Variants in PTK2 observed in about 807,000 individuals in gnomAD.
PTK2 encodes the protein protein tyrosine kinase 2.
PTK2 carries 45 observed loss-of-function variants against 150.1 expected under a neutral mutation model. The observed-to-expected ratio is 0.30, with a 90% CI of 0.24 to 0.38. PTK2 has a LOEUF of 0.38. PTK2 is among the 10% of genes least tolerant of loss of function. PTK2 has a pLI of 1.00. For synonymous variants in PTK2, 432 were observed against 449.2 expected, an observed-to-expected ratio of 0.96 and a Z score of 0.48; for missense variants, 919 against 1,307.3, an observed-to-expected ratio of 0.70 and a Z score of 4.58.
chr8:140,658,395 CAAG>C (rs1415110395), exon 32 of PTK2: 2 of 181,306 alleles, frequency 1.1e-5, no homozygotes, highest in East Asian at 1.8e-4. Flanking sequence ...GATATTACAA[CAAG>C]AACTTTACTG....
chr8:140,943,381 G>A (rs1378028811), intron 1 of PTK2, among the ~76,000 whole-genome samples: 1 of 152,198 alleles, frequency 6.6e-6, no homozygotes, highest in South Asian at 2.1e-4. Context: ...CTGCTTTGAA[G>A]ATCTGCCCAT....
chr8:140,964,555 T>A (rs1282526805), intron 1 of PTK2, among the ~76,000 whole-genome samples: 1 of 139,990 alleles, frequency 7.1e-6, no homozygotes, highest in East Asian at 2.0e-4. Context: ...TAATTTTTTT[T>A]TTTTTTTTTT....
exon 32 of PTK2, chr8:140,659,221 A>T: frequency 1.9e-6 from 1 of 520,262 alleles, no homozygotes; most frequent in South Asian, 2.6e-5. Context: ...ATTCTTAGAA[A>T]AACGCCACAT....
intron 17 of PTK2, among the ~76,000 whole-genome samples, chr8:140,749,322 TGTAA>T (rs1488695978): frequency 1.2e-4 from 18 of 152,268 alleles, no homozygotes; most frequent in African/African-American, 4.3e-4. Context: ...TTCAATTTAC[TGTAA>T]GTAACTATTT....
chr8:140,891,468 AG>A lies in PTK2; in HGVS notation c.-32-700del, dbSNP rs375068897. 4.5e-3 allele frequency among the ~76,000 whole-genome samples: 686 copies of A among 152,352 alleles called. 4 individuals carry two copies. Among genetic ancestry groups the A allele is most frequent in the African/African-American group, 0.016 (649 of 41,580 alleles). On this transcript the variant is annotated intron_variant, in intron 2 of 31. Coordinates refer to ENST00000522684, the Ensembl canonical transcript of PTK2. ...AACTCAAACAATGTTTGAAGGGCTC[AG>A]AGACAAAGATATTCTGAGGCAACCA... is the stretch of plus-strand genomic sequence containing the variant.
chr8:140,705,942 T>G (rs955386943), intron 24 of PTK2, among the ~76,000 whole-genome samples, 177 bp downstream of exon 27: 1 of 152,208 alleles, frequency 6.6e-6, no homozygotes, highest in Admixed American at 6.5e-5. Context: ...ACAAACGCCT[T>G]CTGCGTGGGG....
intron 2 of PTK2, among the ~76,000 whole-genome samples, chr8:140,910,140 G>C (rs552654844): frequency 6.6e-6 from 1 of 152,108 alleles, no homozygotes. Flanking sequence ...TTACAAAACA[G>C]TAAGATTTTC....
chr8:140,729,451 G>A (rs1176015609), intron 22 of PTK2, among the ~76,000 whole-genome samples: 2 of 152,086 alleles, frequency 1.3e-5, no homozygotes, highest in Non-Finnish European at 2.9e-5. Context: ...TTCCACAGAA[G>A]CAAAATACAA....
intron 2 of PTK2, among the ~76,000 whole-genome samples, chr8:140,898,575 A>G (rs1440715238): frequency 6.6e-6 from 1 of 152,244 alleles, no homozygotes; most frequent in Non-Finnish European, 1.5e-5. Context: ...ATGTGAAGAA[A>G]AAAGTGTTAC....
intron 1 of PTK2, among the ~76,000 whole-genome samples, chr8:140,982,761 C>T (rs981840227): frequency 5.9e-5 from 9 of 152,154 alleles, no homozygotes; most frequent in African/African-American, 1.7e-4. Flanking sequence ...CCAATGTTAG[C>T]GTACGTTTTC....
At chr8:140,717,063 G>A (rs766931563) in intron 23 of PTK2, among the ~76,000 whole-genome samples, 8 of 152,074 alleles carry the variant, frequency 5.3e-5, no homozygotes, top group Admixed American at 3.3e-4. Flanking sequence ...GGATGCTGCC[G>A]GAAGATCTTA....
chr8:140,709,634 A>G (rs773508789), intron 23 of PTK2, among the ~76,000 whole-genome samples: 12 of 152,234 alleles, frequency 7.9e-5, no homozygotes, highest in Non-Finnish European at 1.6e-4. Context: ...CGTGAAGATT[A>G]AATATGTTAA....
rs1057288521 is a variant in PTK2, at chr8:140,701,108, G to A, written c.2368-86C>T. 2.7e-5 allele frequency: 39 copies of A among 1,420,248 alleles called. No homozygotes were observed. The African/African-American group carries it at 4.2e-4, about 15-fold the overall frequency. The allele number at this position is 1,420,248 out of a possible 1,614,324, so 88.0% of individuals were successfully genotyped here. On this transcript the variant is annotated intron_variant, in intron 25 of 31. Coordinates refer to ENST00000522684, the Ensembl canonical transcript of PTK2. Reference sequence around the variant, plus strand: ...TTGTTTTATGTGTCTTTCAAGAAAAGATAAGCAAAACAGCAAGTATGAGAA... The same window carrying A: ...TTGTTTTATGTGTCTTTCAAGAAAAAATAAGCAAAACAGCAAGTATGAGAA...
chr8:140,670,624 T>C (rs889074936), intron 29 of PTK2, among the ~76,000 whole-genome samples: 2 of 151,972 alleles, frequency 1.3e-5, no homozygotes, highest in Non-Finnish European at 2.9e-5. Context: ...GTTCTACTAC[T>C]TGAAACTGAA....
At chr8:140,793,444 G>A in intron 12 of PTK2, 60 bp from the exon 13 acceptor site, 1 of 1,573,500 alleles carries the variant, frequency 6.4e-7, no homozygotes, top group Middle Eastern at 1.7e-4. Flanking sequence ...AAAAGATGGT[G>A]CCTAGAATCA....
intron 25 of PTK2, 29 bp downstream of exon 28, chr8:140,702,541 C>T: frequency 1.2e-6 from 2 of 1,609,990 alleles, no homozygotes; most frequent in Non-Finnish European, 1.7e-6. Flanking sequence ...TATAAGTTAA[C>T]AAACTGAAGC....
chr8:140,673,130 C>T lies in PTK2; in HGVS notation c.2709+1168G>A, dbSNP rs532814267. 7.3e-5 allele frequency among the ~76,000 whole-genome samples: 11 copies of T among 150,078 alleles called. No individual in the cohort carries two copies. The East Asian group carries it at 9.7e-4, about 13-fold the overall frequency. ...CTTTTTTTTTTTTTTAACCTCGAGA[C>T]GGAATCTTGCTCTGTCGCCCAGGCT... is the stretch of plus-strand genomic sequence containing the variant. On this transcript the variant is annotated intron_variant, in intron 29 of 31. Transcript: ENST00000522684.
chr8:140,968,362 G>C (rs914692377), intron 1 of PTK2, among the ~76,000 whole-genome samples: 1 of 151,926 alleles, frequency 6.6e-6, no homozygotes, highest in Admixed American at 6.6e-5. Context: ...CTGTACTTAT[G>C]AACATCGAGT....
At position 140,878,921 on chromosome 8, in the gene PTK2, A is replaced by T. The variant is rs73373579; in HGVS notation, c.362+550T>A. Reference sequence around the variant, plus strand: ...GGGAATTCTTTTAATTTGCCCTGAAATAATTTTATTTTCCTTAACATTTCA... The same window carrying T: ...GGGAATTCTTTTAATTTGCCCTGAATTAATTTTATTTTCCTTAACATTTCA... On this transcript the variant is annotated intron_variant, in intron 4 of 31. Transcript: ENST00000522684. 4.2e-3 allele frequency among the ~76,000 whole-genome samples: 635 copies of T among 152,234 alleles called. 9 individuals are homozygous for T. Among genetic ancestry groups the T allele is most frequent in the African/African-American group, 0.015 (603 of 41,542 alleles).
Sources: allele counts gnomAD v4.1 joint callset (sites outside exome capture counted in the v4.1 genomes callset), GRCh38; gene constraint gnomAD v4.1.1; transcripts MANE v1.5; gene names NCBI Gene and HGNC (gene_info 2026-07-23, HGNC 2026-07-21).